The following PAK1IP1 variants were observed in gnomAD, a reference collection of about 807,000 sequenced individuals.
PAK1IP1 encodes PAK1 interacting protein 1.
In PAK1IP1, 24 loss-of-function variants were observed where a neutral mutation model predicts 42.0. The observed-to-expected ratio is 0.57, with a 90% CI of 0.41 to 0.80. PAK1IP1 has a LOEUF of 0.80. Ranked by LOEUF, PAK1IP1 falls within the 30% of genes least tolerant of loss-of-function variation. The pLI, the probability that PAK1IP1 is intolerant of heterozygous loss-of-function variation, is 0.00. For missense variants in PAK1IP1, 411 were observed against 467.9 expected, an observed-to-expected ratio of 0.88 and a Z score of 1.12; for synonymous variants, 154 against 156.7, an observed-to-expected ratio of 0.98 and a Z score of 0.13.
At chr6:10,698,105 G>A (rs541866870) in intron 2 of PAK1IP1, among the ~76,000 whole-genome samples, 29 of 152,302 alleles carry the variant, frequency 1.9e-4, no homozygotes, top group African/African-American at 6.3e-4. Flanking sequence ...GCAGTGTGAG[G>A]AGCACAAGTA....
At chr6:10,691,037 G>C (rs1239905352), upstream of PAK1IP1, among the ~76,000 whole-genome samples, 1 of 152,164 alleles carries the variant, frequency 6.6e-6, no homozygotes, top group African/African-American at 2.4e-5. Context: ...GTTCAAGGCC[G>C]AGGACACATA....
chr6:10,695,232 A>G (rs1769770892), intron 1 of PAK1IP1, among the ~76,000 whole-genome samples, 163 bp downstream of exon 1: 1 of 152,206 alleles, frequency 6.6e-6, no homozygotes, highest in Non-Finnish European at 1.5e-5. Flanking sequence ...TAAACCGTAG[A>G]ATGGACATTT....
upstream of PAK1IP1, among the ~76,000 whole-genome samples, chr6:10,694,028 G>C (rs1204254529): frequency 6.6e-6 from 1 of 152,178 alleles, no homozygotes; most frequent in African/African-American, 2.4e-5. Context: ...GGGAGGTCGA[G>C]GCAAGCGGAT....
upstream of PAK1IP1, among the ~76,000 whole-genome samples, chr6:10,691,284 G>A (rs573987777): frequency 9.2e-5 from 14 of 152,056 alleles, no homozygotes; most frequent in Non-Finnish European, 1.5e-4. Context: ...CGGGATCTTC[G>A]GCAAGACTCA....
chr6:10,698,822 T>C (rs1311752778), intron 2 of PAK1IP1, among the ~76,000 whole-genome samples: 1 of 152,200 alleles, frequency 6.6e-6, no homozygotes, highest in Non-Finnish European at 1.5e-5. Flanking sequence ...GGAAGGTTAC[T>C]TGGTGTGTGC....
upstream of PAK1IP1, among the ~76,000 whole-genome samples, chr6:10,691,284 G>C (rs573987777): frequency 1.3e-5 from 2 of 152,056 alleles, no homozygotes; most frequent in African/African-American, 4.8e-5. Context: ...CGGGATCTTC[G>C]GCAAGACTCA....
chr6:10,705,527 AT>A (rs1019153737), intron 7 of PAK1IP1, among the ~76,000 whole-genome samples: 1,963 of 151,596 alleles, frequency 0.013, 46 homozygotes, highest in African/African-American at 0.044. Context: ...TTTCCATGTG[AT>A]TTTTTTTCCT....
upstream of PAK1IP1, among the ~76,000 whole-genome samples, chr6:10,694,097 T>TA (rs982444669): frequency 2.0e-5 from 3 of 151,640 alleles, no homozygotes; most frequent in African/African-American, 7.3e-5. Flanking sequence ...CTGTCTCTAC[T>TA]AAAAAATACA....
chr6:10,691,059 C>T (rs925920393), upstream of PAK1IP1, among the ~76,000 whole-genome samples: 2 of 152,222 alleles, frequency 1.3e-5, no homozygotes, highest in Admixed American at 1.3e-4. Context: ...AAAAGAGCAG[C>T]ATTGCTGGCT....
At chr6:10,700,300 C>T (rs1465033229) in intron 2 of PAK1IP1, among the ~76,000 whole-genome samples, 7 of 152,072 alleles carry the variant, frequency 4.6e-5, no homozygotes, top group African/African-American at 1.4e-4. Context: ...TCAAGTGATC[C>T]GCCCGCCTCA....
chr6:10,700,079 G>T (rs1478760090), intron 2 of PAK1IP1, among the ~76,000 whole-genome samples: 1 of 151,914 alleles, frequency 6.6e-6, no homozygotes, highest in Non-Finnish European at 1.5e-5. Context: ...GCGGGGGCGG[G>T]GGGGCTTCTC....
At chr6:10,698,966 C>T (rs1281524266) in intron 2 of PAK1IP1, among the ~76,000 whole-genome samples, 3 of 151,924 alleles carry the variant, frequency 2.0e-5, no homozygotes, top group Admixed American at 6.6e-5. Context: ...TTTGGGAGGC[C>T]GAGGTGGGCC....
At chr6:10,695,818 C>T (rs1452613481) in intron 1 of PAK1IP1, among the ~76,000 whole-genome samples, 1 of 152,100 alleles carries the variant, frequency 6.6e-6, no homozygotes, top group Admixed American at 6.5e-5. Flanking sequence ...GAAGTCAAGG[C>T]GTCGGTCTTT....
At position 10,697,292 on chromosome 6, in the gene PAK1IP1, T is replaced by C. The variant is rs778090677; in HGVS notation, c.85-32T>C. On this transcript the variant is annotated intron_variant, in intron 1 of 9. Transcript: ENST00000379568. ...AGAGTTGGTAGAACTGTGGTGTGAC[T>C]GGCATTAATTGTATGTTTTCATCTT... 3.1e-6 allele frequency: 5 copies of C among 1,593,754 alleles called. No individual in the cohort carries two copies. The Admixed American group carries it at 6.8e-5, about 22-fold the overall frequency.
At chr6:10,703,094 C>G (rs940486651) in intron 4 of PAK1IP1, among the ~76,000 whole-genome samples, 2 of 152,112 alleles carry the variant, frequency 1.3e-5, no homozygotes, top group African/African-American at 4.8e-5. Flanking sequence ...CGTGAGCCAC[C>G]ACGCCCAGCC....
chr6:10,697,628 C>G, intron 2 of PAK1IP1, 142 bp downstream of exon 2: 1 of 674,478 alleles, frequency 1.5e-6, no homozygotes, highest in Non-Finnish European at 2.4e-6. Flanking sequence ...GGTTTCTTAG[C>G]CTGGCACAAT....
At chr6:10,695,169 C>G (rs2127477584) in intron 1 of PAK1IP1, 100 bp downstream of exon 1, 2 of 721,312 alleles carry the variant, frequency 2.8e-6, no homozygotes, top group Non-Finnish European at 4.9e-6. Context: ...CTGCTGTTCA[C>G]TGGATGATTT....
Position 10,709,223 on chromosome 6 carries a change from T to C in PAK1IP1, c.965-15T>C. The C allele has an allele frequency of 6.3e-7, 1 of 1,586,786 alleles. No homozygotes were observed. The highest frequency in any genetic ancestry group is 8.6e-7 in the Non-Finnish European group (1 of 1,168,180). On this transcript the variant is annotated splice_polypyrimidine_tract_variant and intron_variant, in intron 9 of 9. Coordinates refer to ENST00000379568, the MANE Select transcript of PAK1IP1 (RefSeq NM_017906.3). ...AAACAGTCTTTTTTTAAAAGCACTC[T>C]CTTTTGTGTTTTAGTAAGTAAAGAA... is the stretch of plus-strand genomic sequence containing the variant.
intron 2 of PAK1IP1, among the ~76,000 whole-genome samples, chr6:10,698,023 TAAAAG>T (rs1255494590): frequency 1.3e-5 from 2 of 152,128 alleles, no homozygotes; most frequent in Non-Finnish European, 2.9e-5. Flanking sequence ...TGAATTATCT[TAAAAG>T]AGAAATGTCA....
Sources: gnomAD v4.1 joint callset for allele counts (sites outside exome capture counted in the v4.1 genomes callset) on GRCh38, gnomAD v4.1.1 for gene constraint, MANE v1.5 for transcripts, NCBI Gene and HGNC (gene_info 2026-07-23, HGNC 2026-07-21) for gene names.